Variants in ATXN10 observed in about 807,000 individuals in gnomAD.
ATXN10 encodes ataxin 10, also known as ataxin-10.
Under a neutral mutation model 52.9 loss-of-function variants are expected in ATXN10, and 28 were observed. The ratio of observed to expected loss-of-function variants is 0.53; its 90% CI spans 0.39 to 0.73. The LOEUF is 0.73. Among genes scored for constraint, ATXN10 ranks in the 30% least tolerant of loss-of-function variants. The pLI is 0.00. For missense variants in ATXN10, 565 were observed against 577.0 expected, an observed-to-expected ratio of 0.98 and a Z score of 0.21; for synonymous variants, 226 against 221.5, an observed-to-expected ratio of 1.02 and a Z score of -0.18.
At chr22:45,676,489 T>G (rs1215208898) in intron 1 of ATXN10, 7 of 152,072 alleles carry the variant, frequency 4.6e-5, no homozygotes, top group African/African-American at 1.7e-4. Flanking sequence ...TAATTTGTTT[T>G]TTTTTTTTTG....
At chr22:45,739,291 T>A (rs1925419336) in intron 8 of ATXN10, among the ~76,000 whole-genome samples, 1 of 152,354 alleles carries the variant, frequency 6.6e-6, no homozygotes. Flanking sequence ...AAAAAGGTTT[T>A]AAACAAGAAA....
intron 4 of ATXN10, among the ~76,000 whole-genome samples, chr22:45,700,826 TG>T (rs1337971759): frequency 6.6e-6 from 1 of 152,202 alleles, no homozygotes; most frequent in Non-Finnish European, 1.5e-5. Context: ...AGCACAATGC[TG>T]TATGTTTTGG....
intron 5 of ATXN10, among the ~76,000 whole-genome samples, chr22:45,714,771 A>G (rs996541909): frequency 2.0e-5 from 3 of 152,206 alleles, no homozygotes; most frequent in Admixed American, 2.0e-4. Flanking sequence ...AGTTTTGATA[A>G]TAGCTATAAA....
Position 45,780,372 on chromosome 22 carries a change from C to T in ATXN10, c.1174-26587C>T, listed in dbSNP as rs1927105349. Among the ~76,000 whole-genome samples the T allele has an allele frequency of 6.6e-6, 1 of 152,244 alleles. No homozygotes were observed. ...TTGCTGGGATTACAGGCATGAGCCA[C>T]TGTGCCCGTCGGACTGTTTGCTCTC... On this transcript the variant is annotated intron_variant, in intron 9 of 11. Transcript: ENST00000252934. This position sits in a 1 kb window ranked among gnomAD's most constrained non-coding sequence, Gnocchi z 4.0.
chr22:45,756,452 T>A (rs1754357403), intron 9 of ATXN10, among the ~76,000 whole-genome samples: 1 of 152,194 alleles, frequency 6.6e-6, no homozygotes, highest in Admixed American at 6.5e-5. Context: ...CCCCAGACCC[T>A]TTTTAAGTAA....
At chr22:45,768,516 C>G (rs555339389) in intron 9 of ATXN10, among the ~76,000 whole-genome samples, 24 of 152,160 alleles carry the variant, frequency 1.6e-4, no homozygotes, top group Non-Finnish European at 3.2e-4. Context: ...GTGAAGTTTT[C>G]TTGCTAAAAC....
At chr22:45,707,570 GTT>G (rs1224481589) in intron 5 of ATXN10, among the ~76,000 whole-genome samples, 1 of 149,270 alleles carries the variant, frequency 6.7e-6, no homozygotes, top group African/African-American at 2.5e-5. Flanking sequence ...ATCATCTGCA[GTT>G]TTTTTTTAGC....
chr22:45,713,586 T>C (rs574753546), intron 5 of ATXN10, among the ~76,000 whole-genome samples: 4 of 152,342 alleles, frequency 2.6e-5, no homozygotes, highest in Non-Finnish European at 2.9e-5. Flanking sequence ...TGTCACTCTT[T>C]AGCAGAATGG....
rs1399141855 is a variant in ATXN10, at chr22:45,683,330, G to A, written c.117-6382G>A. On this transcript the variant is annotated intron_variant, in intron 1 of 11. Coordinates refer to ENST00000252934, the MANE Select transcript of ATXN10 (RefSeq NM_013236.4). The surrounding 1 kb of genome is among the most constrained non-coding windows in gnomAD (Gnocchi z 4.8). ...CAAAACTCTGTCTCAAAAACAAAAC[G>A]AAAAAAAGAACCTTCCATGGCTTCA... Among the ~76,000 whole-genome samples the A allele has an allele frequency of 5.3e-5, 8 of 152,098 alleles. No individual in the cohort carries two copies. The highest frequency in any genetic ancestry group is 4.2e-4 in the South Asian group (2 of 4,816).
chr22:45,765,275 A>G (rs1205535496), intron 9 of ATXN10, among the ~76,000 whole-genome samples: 4 of 152,136 alleles, frequency 2.6e-5, no homozygotes, highest in Non-Finnish European at 4.4e-5. Flanking sequence ...CATCATAGGA[A>G]GATACAGAGA....
At chr22:45,814,952 C>G (rs1011234391) in intron 10 of ATXN10, among the ~76,000 whole-genome samples, 2 of 152,172 alleles carry the variant, frequency 1.3e-5, no homozygotes, top group African/African-American at 4.8e-5. Flanking sequence ...CCACACACCC[C>G]CATCCGTCCT....
chr22:45,688,623 C>T lies in ATXN10; in HGVS notation c.117-1089C>T, dbSNP rs1022117099. On this transcript the variant is annotated intron_variant, in intron 1 of 11. Coordinates refer to ENST00000252934, the MANE Select transcript of ATXN10 (RefSeq NM_013236.4). This position sits in a 1 kb window ranked among gnomAD's most constrained non-coding sequence, Gnocchi z 4.0. ...GAAAAGGGGCTTCCATAGGTGTCTT[C>T]TGCGGCAACTGAGCAGCTCTGTAAC... 1.4e-4 allele frequency among the ~76,000 whole-genome samples: 22 copies of T among 152,190 alleles called. 1 individual carries two copies. The highest frequency in any genetic ancestry group is 5.9e-5 in the Non-Finnish European group (4 of 68,028).
intron 7 of ATXN10, among the ~76,000 whole-genome samples, chr22:45,737,857 C>T (rs1030635406): frequency 1.3e-5 from 2 of 151,812 alleles, no homozygotes; most frequent in East Asian, 1.9e-4. Flanking sequence ...CACCACCAAG[C>T]GTGGCTAATT....
chr22:45,792,424 C>A (rs1402926024), intron 9 of ATXN10: 1 of 153,170 alleles, frequency 6.5e-6, no homozygotes, highest in East Asian at 1.9e-4. Flanking sequence ...CTTCAGATAA[C>A]TTAGAAGTTT....
In ATXN10 at chr22:45,744,032, C is replaced by A. The variant is rs762601016; in HGVS notation, c.1173+3494C>A. On this transcript the variant is annotated intron_variant, in intron 9 of 11. Transcript: ENST00000252934. This position sits in a 1 kb window ranked among gnomAD's most constrained non-coding sequence, Gnocchi z 4.9. ...CCAGCCAGGCCCCTTAGACTCCCTC[C>A]TGGTTGAAGTTGGGAGCTCTTGGGG... is the stretch of plus-strand genomic sequence containing the variant. Among the ~76,000 whole-genome samples, 4 of 152,256 alleles carry A rather than the reference C, an allele frequency of 2.6e-5. No individual in the cohort carries two copies. Among genetic ancestry groups the A allele is most frequent in the African/African-American group, 9.6e-5 (4 of 41,556 alleles).
In ATXN10 at chr22:45,760,972, A is replaced by G. The variant is rs141929456; in HGVS notation, c.1173+20434A>G. 2.1e-3 allele frequency among the ~76,000 whole-genome samples: 321 copies of G among 152,226 alleles called. 1 individual carries two copies. The highest frequency in any genetic ancestry group is 7.4e-3 in the African/African-American group (308 of 41,532). ...GATAAGCCTGGAAATAAAAGGACAT[A>G]TGTGAGAGACAGTAATTTGATAAAG... On this transcript the variant is annotated intron_variant, in intron 9 of 11. Coordinates refer to ENST00000252934, the MANE Select transcript of ATXN10 (RefSeq NM_013236.4).
chr22:45,747,596 T>C (rs1453152588), intron 9 of ATXN10, among the ~76,000 whole-genome samples: 1 of 152,194 alleles, frequency 6.6e-6, no homozygotes, highest in Non-Finnish European at 1.5e-5. Context: ...TCCACGTGTG[T>C]GCTGTTTATA....
rs972201775 is a variant in ATXN10, at chr22:45,828,324, AC to A, written c.1238-14666del. ...GGAAATTTTATAGCTATAAATGCTT[AC>A]ATTAAAAAATAAGAAAGTTCAAAGA... is the stretch of plus-strand genomic sequence containing the variant. On this transcript the variant is annotated intron_variant, in intron 10 of 11. Coordinates refer to ENST00000252934, the MANE Select transcript of ATXN10 (RefSeq NM_013236.4). The surrounding 1 kb of genome is among the most constrained non-coding windows in gnomAD (Gnocchi z 4.5). 6.6e-6 allele frequency among the ~76,000 whole-genome samples: 1 copy of A among 152,146 alleles called. No individual in the cohort carries two copies. The highest frequency in any genetic ancestry group is 2.4e-5 in the African/African-American group (1 of 41,468).
At chr22:45,703,195 G>A (rs1323173191) in intron 5 of ATXN10, among the ~76,000 whole-genome samples, 1 of 152,190 alleles carries the variant, frequency 6.6e-6, no homozygotes, top group Non-Finnish European at 1.5e-5. Flanking sequence ...CATTAGATCA[G>A]AGGTTGGTGC....
Sources: allele counts gnomAD v4.1 joint callset (sites outside exome capture counted in the v4.1 genomes callset), GRCh38; gene constraint gnomAD v4.1.1; non-coding constraint Gnocchi (gnomAD v3.1); transcripts MANE v1.5; gene names NCBI Gene and HGNC (gene_info 2026-07-23, HGNC 2026-07-21).